Variants in PRODH2 observed in about 807,000 individuals in gnomAD.
PRODH2 encodes the protein hydroxyproline dehydrogenase.
A neutral mutation model predicts 51.9 loss-of-function variants in PRODH2; 49 were observed. The ratio of observed to expected loss-of-function variants is 0.94; its 90% CI spans 0.75 to 1.20. PRODH2 has a LOEUF of 1.20. Ranked by LOEUF, PRODH2 falls within the 50% of genes most tolerant of loss-of-function variation. The pLI, the probability that PRODH2 is intolerant of heterozygous loss-of-function variation, is 0.00. For synonymous variants in PRODH2, 249 were observed against 260.7 expected, an observed-to-expected ratio of 0.96 and a Z score of 0.43; for missense variants, 597 against 610.9, an observed-to-expected ratio of 0.98 and a Z score of 0.24.
At chr19:35,807,320 T>G (rs1417122943) in intron 4 of PRODH2, among the ~76,000 whole-genome samples, 199 bp from the exon 5 acceptor site, 1 of 152,196 alleles carries the variant, frequency 6.6e-6, no homozygotes, top group Non-Finnish European at 1.5e-5. Context: ...GTTTGTTTTT[T>G]GAAACAGAGT....
At chr19:35,809,107 TCTTCCTTCCTTC>T (rs3030903) in intron 4 of PRODH2, among the ~76,000 whole-genome samples, 2 of 149,818 alleles carry the variant, frequency 1.3e-5, no homozygotes, top group East Asian at 2.0e-4. Context: ...TTTATTTCTT[TCTTCCTTCCTTC>T]CTTCCTTCCT....
rs753793905 is a variant in PRODH2, at chr19:35,800,066, A to G, written c.1355T>C (p.Leu452Pro). 6.2e-7 allele frequency: 1 copy of G among 1,611,734 alleles called. No individual in the cohort carries two copies. Among genetic ancestry groups the G allele is most frequent in the Non-Finnish European group, 8.5e-7 (1 of 1,179,280 alleles). ...LLSQELWRRL[L>P]PGCRRIPH ...GTGGGGTATCCTTCGGCATCCTGGC[A>G]GCAGCCGCCGCCACAGTTCTTGGCT... The change falls in exon 10 of 10, where the codon CTG (leucine) becomes CCG (proline). Residue 452 changes from leucine (L) to proline (P), a missense_variant. By Grantham distance (98) the Leu-to-Pro change is moderately conservative. Coordinates refer to ENST00000653904, the MANE Select transcript of PRODH2 (RefSeq NM_021232.2).
intron 7 of PRODH2, among the ~76,000 whole-genome samples, chr19:35,803,710 T>A (rs1471005867): frequency 6.6e-6 from 1 of 152,234 alleles, no homozygotes; most frequent in African/African-American, 2.4e-5. Context: ...AGGTTATCAC[T>A]GCTGCATTGT....
At chr19:35,808,585 C>T (rs1300415159) in intron 4 of PRODH2, among the ~76,000 whole-genome samples, 1 of 152,052 alleles carries the variant, frequency 6.6e-6, no homozygotes, top group Non-Finnish European at 1.5e-5. Context: ...CAGACACCCA[C>T]CAAATATTTA....
chr19:35,809,359 C>G (rs1279555906), intron 4 of PRODH2, among the ~76,000 whole-genome samples: 1 of 151,822 alleles, frequency 6.6e-6, no homozygotes, highest in African/African-American at 2.4e-5. Flanking sequence ...GCCTCCACAC[C>G]AGGTGTGCAC....
At position 35,806,850 on chromosome 19, in the gene PRODH2, C is replaced by T. The variant is rs553767073; in HGVS notation, c.679-20G>A. The T allele has an allele frequency of 3.9e-5, 61 of 1,577,136 alleles. No individual in the cohort carries two copies. The highest frequency in any genetic ancestry group is 4.6e-5 in the Non-Finnish European group (53 of 1,161,786). On this transcript the variant is annotated intron_variant, in intron 5 of 9. Transcript: ENST00000653904. ...GGCATACTGATGGCGACAGAGACGA[C>T]GGTCAGGGCCCCGGGTGTCCAGCAG...
rs764944785 is a variant in PRODH2 at position 35,812,172 on chromosome 19, G to A, written c.472C>T (p.Gln158Ter). ...CTGGTCAGCGCCGTCACCTTCAGCTGCATGAGGCTGGCCTCAGCCAGGCTG... is the reference window on the plus strand; with the variant it reads ...CTGGTCAGCGCCGTCACCTTCAGCTACATGAGGCTGGCCTCAGCCAGGCTG... ...PPSLAEASLM[Q>*]LKVTALTSTR... The change falls in exon 3 of 10, where the codon CAG (glutamine) becomes TAG (stop). Residue 158 changes from glutamine (Q) to a stop codon, truncating the protein, a stop_gained. Coordinates refer to ENST00000653904, the MANE Select transcript of PRODH2 (RefSeq NM_021232.2). LOFTEE classifies it high-confidence loss of function. 10 of 1,614,160 alleles carry A rather than the reference G, an allele frequency of 6.2e-6. No individual in the cohort carries two copies. Among genetic ancestry groups the A allele is most frequent in the Non-Finnish European group, 8.5e-6 (10 of 1,180,038 alleles).
chr19:35,800,708 T>C (rs1347489237), intron 9 of PRODH2, among the ~76,000 whole-genome samples: 2 of 151,860 alleles, frequency 1.3e-5, no homozygotes, highest in Non-Finnish European at 2.9e-5. Context: ...TTTTTTTCTC[T>C]CTTAGACAGG....
At chr19:35,807,903 G>C (rs2146785344) in intron 4 of PRODH2, among the ~76,000 whole-genome samples, 1 of 151,912 alleles carries the variant, frequency 6.6e-6, no homozygotes, top group Middle Eastern at 3.4e-3. Context: ...AGCCTTCCAA[G>C]TACCTAGTAC....
intron 7 of PRODH2, 104 bp downstream of exon 7, chr19:35,806,326 C>A: frequency 7.0e-7 from 1 of 1,422,646 alleles, no homozygotes. Context: ...TCAAGTGAAT[C>A]TCTAGCCTCA....
intron 4 of PRODH2, among the ~76,000 whole-genome samples, chr19:35,808,809 C>CT (rs1471183863): frequency 7.6e-6 from 1 of 131,434 alleles, no homozygotes; most frequent in African/African-American, 2.8e-5. Flanking sequence ...TCCTTCCTTC[C>CT]TTCTTTTTTT....
In PRODH2 at chr19:35,800,068, C is replaced by T. The variant is rs1374950891; in HGVS notation, c.1353G>A (p.Leu451=). The T allele has an allele frequency of 1.2e-6, 2 of 1,611,348 alleles. No individual in the cohort carries two copies. The highest frequency in any genetic ancestry group is 2.2e-5 in the East Asian group (1 of 44,856). ...GGGGTATCCTTCGGCATCCTGGCAG[C>T]AGCCGCCGCCACAGTTCTTGGCTGA... ...ELLSQELWRR[L]LPGCRRIPH Residue 451 remains leucine (L), a synonymous_variant, in exon 10 of 10, where the codon CTG becomes CTA. Transcript: ENST00000653904.
chr19:35,811,469 G>GAGGGAGGA, intron 4 of PRODH2, among the ~76,000 whole-genome samples: 1 of 128,806 alleles, frequency 7.8e-6, no homozygotes, highest in East Asian at 2.6e-4. Context: ...GGGAGGGAGG[G>GAGGGAGGA]AGGGAGGGGA....
At position 35,806,446 on chromosome 19, in the gene PRODH2, C is replaced by T. The variant is rs1299091353; in HGVS notation, c.985G>A (p.Glu329Lys). 3.1e-6 allele frequency: 5 copies of T among 1,613,958 alleles called. No individual in the cohort carries two copies. The highest frequency in any genetic ancestry group is 2.2e-5 in the East Asian group (1 of 44,888). ...CGGGCCTACCTCTGACTGGTGGCCT[C>T]ATAGTCAGGCTGAGTGGGGTCTTCC... ...GMEDPTQPDY[E>K]ATSQSYSRCL... The change falls in exon 7 of 10, where the codon GAG (glutamate) becomes AAG (lysine). Residue 329 changes from glutamate (E) to lysine (K), a missense_variant. Physicochemically the swap from Glu to Lys is moderately conservative, Grantham distance 56. Coordinates refer to ENST00000653904, the MANE Select transcript of PRODH2 (RefSeq NM_021232.2).
chr19:35,802,721 G>GA (rs1972452254), intron 8 of PRODH2, among the ~76,000 whole-genome samples: 1 of 145,004 alleles, frequency 6.9e-6, no homozygotes, highest in African/African-American at 2.5e-5. Context: ...ACACCCAGCT[G>GA]TTTTTTTTTT....
intron 4 of PRODH2, among the ~76,000 whole-genome samples, chr19:35,810,332 G>A (rs948471108): frequency 2.7e-5 from 4 of 150,620 alleles, no homozygotes; most frequent in Non-Finnish European, 3.0e-5. Flanking sequence ...ATAAAAAAAG[G>A]TTAGAAAAAG....
At chr19:35,808,436 A>ACCTTCCGCATGG (rs1245672035) in intron 4 of PRODH2, among the ~76,000 whole-genome samples, 1 of 152,208 alleles carries the variant, frequency 6.6e-6, no homozygotes, top group East Asian at 1.9e-4. Context: ...GGAAGCTGCA[A>ACCTTCCGCATGG]CCTTCCGCAT....
At chr19:35,800,830 C>T (rs1033533888) in intron 9 of PRODH2, among the ~76,000 whole-genome samples, 1 of 151,984 alleles carries the variant, frequency 6.6e-6, no homozygotes. Context: ...ATAGCTGGGA[C>T]CACAGGCATG....
Position 35,806,731 on chromosome 19 carries a change from TCCAGCGCACAG to T in PRODH2, c.767_777del (p.Ala256GlufsTer5), listed in dbSNP as rs749763548. The T allele has an allele frequency of 1.4e-5, 23 of 1,613,772 alleles. No individual in the cohort carries two copies. The highest frequency in any genetic ancestry group is 5.0e-5 in the Admixed American group (3 of 59,978). ...CAGGGCCCGCCTTCACCCGGGCTGT[TCCAGCGCACAG>T]CCAGGGCAGCCACCAGCAGCGAGAG... On this transcript the variant is annotated frameshift_variant, in exon 6 of 10. Transcript: ENST00000653904. LOFTEE classifies it high-confidence loss of function.
Sources: gnomAD v4.1 joint callset for allele counts (sites outside exome capture counted in the v4.1 genomes callset) on GRCh38, gnomAD v4.1.1 for gene constraint, MANE v1.5 for transcripts, NCBI Gene and HGNC (gene_info 2026-07-23, HGNC 2026-07-21) for gene names.